GRID2: variants seen among roughly 807,000 people sequenced by gnomAD.
The protein encoded by GRID2 is glutamate ionotropic receptor delta type subunit 2, also known as glutamate receptor ionotropic, delta-2.
Under a neutral mutation model 114.8 loss-of-function variants are expected in GRID2, and 33 were observed. The observed-to-expected ratio is 0.29, with a 90% confidence interval of 0.22 to 0.38. The LOEUF is 0.38. Ranked by LOEUF, GRID2 falls within the 10% of genes least tolerant of loss-of-function variation. The pLI is 1.00. For synonymous variants in GRID2, 505 were observed against 449.9 expected (o/e 1.12, Z -1.55); for missense variants, 1,184 against 1,257.7 (o/e 0.94, Z 0.89).
chr4:93,384,014 T>C (rs1401307750), intron 8 of GRID2, among the ~76,000 whole-genome samples: 1 of 152,148 alleles, frequency 6.6e-6, no homozygotes, highest in Non-Finnish European at 1.5e-5. Context: ...TAGTAATTTA[T>C]TTCTCAGAGT....
chr4:93,753,612 C>A (rs149793645), intron 14 of GRID2, among the ~76,000 whole-genome samples: 2,718 of 152,166 alleles, frequency 0.018, 39 homozygotes, highest in Non-Finnish European at 0.027. Context: ...TCTGTCCTTG[C>A]GATAGTTTGC....
At chr4:92,453,778 T>G (rs1357973887) in intron 1 of GRID2, among the ~76,000 whole-genome samples, 1 of 152,136 alleles carries the variant, frequency 6.6e-6, no homozygotes, top group African/African-American at 2.4e-5. Context: ...ATTGATTGAT[T>G]TTTTTTACAA....
intron 8 of GRID2, among the ~76,000 whole-genome samples, chr4:93,377,406 A>T (rs967701378): frequency 6.6e-6 from 1 of 152,056 alleles, no homozygotes; most frequent in African/African-American, 2.4e-5. Context: ...TTGTAAGGTT[A>T]ATTGGGTGCA....
intron 8 of GRID2, among the ~76,000 whole-genome samples, chr4:93,357,965 G>C (rs1220929681): frequency 1.3e-5 from 2 of 151,310 alleles, no homozygotes; most frequent in African/African-American, 4.8e-5. Flanking sequence ...ATTTTGGTAA[G>C]GTAAATCCAA....
chr4:92,842,958 G>A (rs1270108735), intron 2 of GRID2, among the ~76,000 whole-genome samples: 2 of 152,158 alleles, frequency 1.3e-5, no homozygotes, highest in Non-Finnish European at 2.9e-5. Flanking sequence ...AAGAATTAAA[G>A]CCAGGCATGG....
chr4:92,329,902 TAGATTATTCTAGTGGGAAGAA>T (rs1726789206), intron 1 of GRID2, among the ~76,000 whole-genome samples: 1 of 148,618 alleles, frequency 6.7e-6, no homozygotes, highest in South Asian at 2.1e-4. Flanking sequence ...TATTCAGGAA[TAGATTATTCTAGTGGGAAGAA>T]AGAGTAAGGG....
At chr4:93,105,574 G>A (rs1732142441) in intron 3 of GRID2, among the ~76,000 whole-genome samples, 1 of 152,050 alleles carries the variant, frequency 6.6e-6, no homozygotes, top group Non-Finnish European at 1.5e-5. Flanking sequence ...AATCTCAGTG[G>A]GCTATAATCA....
At chr4:92,598,231 G>A (rs1159243445) in intron 2 of GRID2, among the ~76,000 whole-genome samples, 1 of 152,114 alleles carries the variant, frequency 6.6e-6, no homozygotes, top group Non-Finnish European at 1.5e-5. Flanking sequence ...GAATCCGCCA[G>A]TACCTTTTGG....
chr4:92,546,501 T>C (rs1726268625), intron 1 of GRID2, among the ~76,000 whole-genome samples: 1 of 152,196 alleles, frequency 6.6e-6, no homozygotes, highest in African/African-American at 2.4e-5. Flanking sequence ...TGTTGTTCGG[T>C]AACTAAGAAG....
intron 1 of GRID2, among the ~76,000 whole-genome samples, chr4:92,430,293 A>G (rs1368760564): frequency 6.6e-6 from 1 of 152,058 alleles, no homozygotes; most frequent in Non-Finnish European, 1.5e-5. Context: ...GTGGTGAGAG[A>G]TAGGGGTAGT....
chr4:92,955,698 A>G (rs1282189999), intron 2 of GRID2, among the ~76,000 whole-genome samples: 1 of 152,114 alleles, frequency 6.6e-6, no homozygotes, highest in African/African-American at 2.4e-5. Flanking sequence ...GCCCATGCCT[A>G]TGTCCTGAAT....
chr4:92,439,307 A>G (rs977434009), intron 1 of GRID2, among the ~76,000 whole-genome samples: 2 of 151,966 alleles, frequency 1.3e-5, no homozygotes, highest in Non-Finnish European at 2.9e-5. Flanking sequence ...GGGCATATTC[A>G]CTTCTTTTGT....
intron 2 of GRID2, among the ~76,000 whole-genome samples, chr4:92,627,121 T>TCTC: frequency 6.6e-6 from 1 of 152,034 alleles, no homozygotes; most frequent in South Asian, 2.1e-4. Flanking sequence ...GCATTAAACA[T>TCTC]ACTTTAAAAA....
intron 1 of GRID2, among the ~76,000 whole-genome samples, chr4:92,477,089 GTGTGTGTGTTTGC>G (rs1722356373): frequency 8.1e-6 from 1 of 123,308 alleles, no homozygotes; most frequent in African/African-American, 3.1e-5. Context: ...GTGTGTGTGT[GTGTGTGTGTTTGC>G]TTAGTATTGT....
intron 14 of GRID2, 23 bp from the exon 15 acceptor site, chr4:93,769,187 A>G: frequency 6.2e-7 from 1 of 1,612,276 alleles, no homozygotes; most frequent in Non-Finnish European, 8.5e-7. Context: ...GTAATAACAC[A>G]TGCTTATGTT....
chr4:92,511,253 A>G (rs1239147678), intron 1 of GRID2, among the ~76,000 whole-genome samples: 1 of 151,688 alleles, frequency 6.6e-6, no homozygotes, highest in African/African-American at 2.4e-5. Context: ...AGAGAAGTGG[A>G]GGAGGTTCTA....
At chr4:92,962,180 A>C (rs1346399660) in intron 2 of GRID2, among the ~76,000 whole-genome samples, 1 of 151,912 alleles carries the variant, frequency 6.6e-6, no homozygotes, top group Admixed American at 6.6e-5. Context: ...TCTGACACTT[A>C]CTGTGTCTCT....
intron 14 of GRID2, among the ~76,000 whole-genome samples, chr4:93,699,710 G>A (rs1727341997): frequency 6.6e-6 from 1 of 152,050 alleles, no homozygotes; most frequent in Admixed American, 6.6e-5. Context: ...GGAGAGTCCT[G>A]AAATAGGAAA....
At chr4:93,612,471 A>G (rs1741054114) in intron 13 of GRID2, among the ~76,000 whole-genome samples, 2 of 129,664 alleles carry the variant, frequency 1.5e-5, no homozygotes, top group East Asian at 2.1e-4. Context: ...TTCCATGTTT[A>G]GCGCTTCCTT....
Sources: gnomAD v4.1 joint callset for allele counts (sites outside exome capture counted in the v4.1 genomes callset) on GRCh38, gnomAD v4.1.1 for gene constraint, MANE v1.5 for transcripts, NCBI Gene and HGNC (gene_info 2026-07-23, HGNC 2026-07-21) for gene names.